GLS: variants seen among roughly 807,000 people sequenced by gnomAD.
GLS encodes glutaminase.
GLS carries 36 observed loss-of-function variants against 86.7 expected under a neutral mutation model. The ratio of observed to expected loss-of-function variants is 0.42; its 90% CI spans 0.32 to 0.55. The LOEUF (loss-of-function observed/expected upper bound fraction) is 0.55, where lower values mean the gene tolerates loss of function less well. Among genes scored for constraint, GLS ranks in the 20% least tolerant of loss-of-function variants. GLS has a pLI of 0.17. For synonymous variants in GLS, 317 were observed against 305.9 expected (o/e 1.04, Z -0.38); for missense variants, 528 against 833.4 (o/e 0.63, Z 4.51).
chr2:190,964,548 C>T lies in GLS; in HGVS notation c.*1562C>T, dbSNP rs1036956090. The T allele has an allele frequency of 1.3e-5, 2 of 152,210 alleles. No individual in the cohort carries two copies. The highest frequency in any genetic ancestry group is 4.8e-5 in the African/African-American group (2 of 41,466). 9.4% of individuals were successfully genotyped at this position (152,210 alleles called of 1,614,324 possible). A position where few individuals can be genotyped will look rare whatever the true frequency, so the allele number is the denominator to read the frequency against. ...TCACTTCCAGTCTAAGCCAGTGGCT[C>T]CTGCCACTGCCCTCCCATTACCTAG... On this transcript the variant is annotated 3_prime_UTR_variant, in exon 18 of 18. Coordinates refer to ENST00000320717, the MANE Select transcript of GLS (RefSeq NM_014905.5). The surrounding 1 kb of genome is among the most constrained non-coding windows in gnomAD (Gnocchi z 5.2).
At chr2:190,906,304 A>G (rs1207523896) in intron 6 of GLS, among the ~76,000 whole-genome samples, 1 of 152,140 alleles carries the variant, frequency 6.6e-6, no homozygotes, top group African/African-American at 2.4e-5. Flanking sequence ...GAGAATAGAC[A>G]TGTCTAGTGA....
At chr2:190,886,404 A>G (rs1230814051) in intron 1 of GLS, among the ~76,000 whole-genome samples, 6 of 152,186 alleles carry the variant, frequency 3.9e-5, no homozygotes, top group African/African-American at 1.2e-4. Flanking sequence ...TTTTAGCTGC[A>G]TATTTCCAGA....
At chr2:190,936,356 C>T (rs900516034) in intron 14 of GLS, among the ~76,000 whole-genome samples, 3 of 150,886 alleles carry the variant, frequency 2.0e-5, no homozygotes, top group Admixed American at 6.6e-5. Flanking sequence ...TATGTATATA[C>T]GTTTGTGCAT....
chr2:190,934,073 C>T (rs1360278919), intron 14 of GLS: 1 of 973,778 alleles, frequency 1.0e-6, no homozygotes, highest in Non-Finnish European at 1.2e-6. Flanking sequence ...CTTCTTCCTT[C>T]TTCCATATAC....
rs867842021 is a variant in GLS at position 190,965,283 on chromosome 2, G to A, written c.*2297G>A. On this transcript the variant is annotated 3_prime_UTR_variant, in exon 18 of 18. Transcript: ENST00000320717. The surrounding 1 kb of genome is among the most constrained non-coding windows in gnomAD (Gnocchi z 5.0). ...AATATGCTATACCCCACTGCTGCCCGACACTGCCCTTTAGCTGCAGAGCTG... is the reference window on the plus strand; with the variant it reads ...AATATGCTATACCCCACTGCTGCCCAACACTGCCCTTTAGCTGCAGAGCTG... The A allele has an allele frequency of 6.6e-6, 1 of 152,444 alleles. No homozygotes were observed. Among genetic ancestry groups the A allele is most frequent in the Non-Finnish European group, 1.5e-5 (1 of 68,024 alleles). 9.4% of individuals were successfully genotyped at this position (152,444 alleles called of 1,614,324 possible).
intron 11 of GLS, 95 bp from the exon 12 acceptor site, chr2:190,927,211 C>T: frequency 1.1e-6 from 1 of 936,558 alleles, no homozygotes; most frequent in Non-Finnish European, 1.6e-6. Flanking sequence ...AGAAATATTT[C>T]AGATCTGTAT....
At position 190,921,971 on chromosome 2, in the gene GLS, A is replaced by G. The variant is rs1048918908; in HGVS notation, c.1130+768A>G. ...TCTGTTTTGTCTCTTTACTTAGAAC[A>G]GTCCCCGTGCCCTTGCTTTCACAAA... On this transcript the variant is annotated intron_variant, in intron 9 of 17. Coordinates refer to ENST00000320717, the MANE Select transcript of GLS (RefSeq NM_014905.5). This position sits in a 1 kb window ranked among gnomAD's most constrained non-coding sequence, Gnocchi z 4.2. Among the ~76,000 whole-genome samples the G allele has an allele frequency of 6.6e-6, 1 of 152,168 alleles. No homozygotes were observed. The highest frequency in any genetic ancestry group is 2.4e-5 in the African/African-American group (1 of 41,464).
intron 14 of GLS, among the ~76,000 whole-genome samples, chr2:190,939,259 T>C (rs962034507): frequency 2.0e-5 from 3 of 151,702 alleles, no homozygotes; most frequent in African/African-American, 7.2e-5. Flanking sequence ...TCTGGAGTTT[T>C]AATATTTATG....
At position 190,924,484 on chromosome 2, in the gene GLS, C is replaced by T; in HGVS notation, c.1198-59C>T. 1 of 852,092 alleles carries T rather than the reference C, an allele frequency of 1.2e-6. No homozygotes were observed. The highest frequency in any genetic ancestry group is 1.8e-5 in the Admixed American group (1 of 56,810). The allele number at this position is 852,092 out of a possible 1,614,324, so 52.8% of individuals were successfully genotyped here. On this transcript the variant is annotated intron_variant, in intron 10 of 17. Transcript: ENST00000320717. The surrounding 1 kb of genome is among the most constrained non-coding windows in gnomAD (Gnocchi z 5.2). ...TACATTTGAAATTTTTCATATATTT[C>T]TCTACTTATGTGCATTCCTGTGTGC... is the stretch of plus-strand genomic sequence containing the variant.
chr2:190,931,364 T>C (rs971199402), intron 13 of GLS, among the ~76,000 whole-genome samples, 181 bp from the exon 14 acceptor site: 1 of 152,156 alleles, frequency 6.6e-6, no homozygotes, highest in Admixed American at 6.5e-5. Flanking sequence ...AGCAGTGTTC[T>C]TAAAACTTAT....
At chr2:190,939,642 T>C (rs1690370850) in intron 14 of GLS, among the ~76,000 whole-genome samples, 1 of 151,744 alleles carries the variant, frequency 6.6e-6, no homozygotes, top group South Asian at 2.1e-4. Flanking sequence ...TTATTTTATA[T>C]GTGTTATATG....
intron 3 of GLS, among the ~76,000 whole-genome samples, chr2:190,898,666 T>G (rs1265905632): frequency 6.6e-6 from 1 of 152,196 alleles, no homozygotes; most frequent in African/African-American, 2.4e-5. Flanking sequence ...AGTTTTGCTC[T>G]TGTTGCCCAG....
Position 190,930,027 on chromosome 2 carries a change from G to A in GLS, c.1426-410G>A, listed in dbSNP as rs945883667. Among the ~76,000 whole-genome samples the A allele has an allele frequency of 2.0e-5, 3 of 151,096 alleles. No homozygotes were observed. Among genetic ancestry groups the A allele is most frequent in the African/African-American group, 4.9e-5 (2 of 41,072 alleles). ...GAGGCTGAGGCGGGCGGATCACAAG[G>A]TCAGGAGATAATTTTTAATTTTTAA... On this transcript the variant is annotated intron_variant, in intron 12 of 17. Transcript: ENST00000320717. This position sits in a 1 kb window ranked among gnomAD's most constrained non-coding sequence, Gnocchi z 5.0.
In GLS at chr2:190,951,346, A is replaced by G. The variant is rs1690715358; in HGVS notation, c.1651-2219A>G. 6.6e-6 allele frequency among the ~76,000 whole-genome samples: 1 copy of G among 152,160 alleles called. No individual in the cohort carries two copies. The highest frequency in any genetic ancestry group is 1.5e-5 in the Non-Finnish European group (1 of 68,032). On this transcript the variant is annotated intron_variant, in intron 14 of 17. Transcript: ENST00000320717. The surrounding 1 kb of genome is among the most constrained non-coding windows in gnomAD (Gnocchi z 4.2). ...GTGTGAAGGTAATTTTCAGGGAATT[A>G]AAAATATACTTTCAGGAAATAAGCG... is the stretch of plus-strand genomic sequence containing the variant.
chr2:190,932,197 G>A (rs1410222911), intron 14 of GLS, among the ~76,000 whole-genome samples: 2 of 151,662 alleles, frequency 1.3e-5, no homozygotes, highest in Non-Finnish European at 1.5e-5. Context: ...ATAATCTTAC[G>A]GTCCTATTTG....
intron 1 of GLS, among the ~76,000 whole-genome samples, 173 bp from the exon 2 acceptor site, chr2:190,894,979 G>A (rs1230588608): frequency 1.3e-5 from 2 of 152,082 alleles, no homozygotes; most frequent in African/African-American, 2.4e-5. Context: ...TTTCAGTGTG[G>A]TTTATAGTGG....
In GLS at chr2:190,895,810, G is replaced by A. The variant is rs1688713206; in HGVS notation, c.605+85G>A. ...TTAAAACAAAATTGCATCTTTGAAGGCCACTGCTTCCTGTGTAATGGAAAA... is the reference window on the plus strand; with the variant it reads ...TTAAAACAAAATTGCATCTTTGAAGACCACTGCTTCCTGTGTAATGGAAAA... On this transcript the variant is annotated intron_variant, in intron 3 of 17. Transcript: ENST00000320717. The surrounding 1 kb of genome is among the most constrained non-coding windows in gnomAD (Gnocchi z 4.2). 1.0e-6 allele frequency: 1 copy of A among 983,442 alleles called. No homozygotes were observed. The highest frequency in any genetic ancestry group is 1.5e-6 in the Non-Finnish European group (1 of 665,634). The allele number at this position is 983,442 out of a possible 1,614,324, so 60.9% of individuals were successfully genotyped here. A position where few individuals can be genotyped will look rare whatever the true frequency, so the allele number is the denominator to read the frequency against.
chr2:190,948,372 C>T (rs1290437700), intron 14 of GLS, among the ~76,000 whole-genome samples: 1 of 152,048 alleles, frequency 6.6e-6, no homozygotes, highest in Non-Finnish European at 1.5e-5. Flanking sequence ...ACAATATACT[C>T]TGAATAAACC....
At chr2:190,950,141 A>G (rs1690681402) in intron 14 of GLS, among the ~76,000 whole-genome samples, 1 of 152,104 alleles carries the variant, frequency 6.6e-6, no homozygotes, top group African/African-American at 2.4e-5. Flanking sequence ...GCCTGGGGAA[A>G]GAGCATCTCT....
Sources: gnomAD v4.1 joint callset for allele counts (sites outside exome capture counted in the v4.1 genomes callset) on GRCh38, gnomAD v4.1.1 for gene constraint, Gnocchi (gnomAD v3.1) non-coding constraint, MANE v1.5 for transcripts, NCBI Gene and HGNC (gene_info 2026-07-23, HGNC 2026-07-21) for gene names.